The following DAB2IP variants were observed in gnomAD, a reference collection of about 807,000 sequenced individuals.
The protein encoded by DAB2IP is DAB2 interacting protein.
DAB2IP carries 28 observed loss-of-function variants against 107.2 expected under a neutral mutation model. That is an observed-to-expected ratio of 0.26 (90% confidence interval 0.19 to 0.36). The LOEUF (loss-of-function observed/expected upper bound fraction) is 0.36. Ranked by LOEUF, DAB2IP falls within the 10% of genes least tolerant of loss-of-function variation. DAB2IP has a pLI of 1.00. For missense variants in DAB2IP, 1,400 were observed against 1,644.7 expected (o/e 0.85, Z 2.57); for synonymous variants, 755 against 706.4 (o/e 1.07, Z -1.09).
chr9:121,770,960 A>G (rs1587997326), intron 11 of DAB2IP, among the ~76,000 whole-genome samples: 1 of 150,960 alleles, frequency 6.6e-6, no homozygotes, highest in African/African-American at 2.5e-5. Context: ...TAGCATTTCC[A>G]TTGGTGGAAA....
chr9:121,603,526 A>G (rs1830761562), intron 1 of DAB2IP, among the ~76,000 whole-genome samples: 1 of 152,216 alleles, frequency 6.6e-6, no homozygotes, highest in African/African-American at 2.4e-5. Context: ...GGGAGCGGTG[A>G]TAAGAGTCAG....
intron 1 of DAB2IP, among the ~76,000 whole-genome samples, chr9:121,589,719 A>G (rs1276490881): frequency 1.3e-5 from 2 of 152,092 alleles, no homozygotes; most frequent in African/African-American, 4.8e-5. Flanking sequence ...TGGAGAATCC[A>G]TGGACAGCCG....
intron 1 of DAB2IP, among the ~76,000 whole-genome samples, chr9:121,588,003 A>AT (rs1469062316): frequency 6.6e-6 from 1 of 152,184 alleles, no homozygotes; most frequent in Non-Finnish European, 1.5e-5. Flanking sequence ...TCTGCCCATG[A>AT]TGACTTTCCC....
intron 9 of DAB2IP, 33 bp downstream of exon 9, chr9:121,766,763 G>A (rs1834317451): frequency 1.2e-6 from 2 of 1,609,008 alleles, no homozygotes; most frequent in Non-Finnish European, 1.7e-6. Flanking sequence ...GGCAGAGTTG[G>A]GCAGGGCTGG....
chr9:121,784,123 C>T (rs919680821), exon 16 of DAB2IP: 1 of 160,224 alleles, frequency 6.2e-6, no homozygotes, highest in Non-Finnish European at 1.4e-5. Context: ...TTAGATGTAA[C>T]CTACAATTCA....
chr9:121,620,362 C>T (rs554898401), intron 1 of DAB2IP, among the ~76,000 whole-genome samples: 302 of 152,300 alleles, frequency 2.0e-3, no homozygotes, highest in Non-Finnish European at 3.5e-3. Flanking sequence ...CCACAAACGC[C>T]GACCATCCCC....
intron 1 of DAB2IP, among the ~76,000 whole-genome samples, chr9:121,603,685 G>A (rs192739076): frequency 9.8e-5 from 15 of 152,330 alleles, no homozygotes; most frequent in African/African-American, 3.1e-4. Flanking sequence ...CGATCAGGCT[G>A]TGTGATCTTG....
intron 3 of DAB2IP, among the ~76,000 whole-genome samples, chr9:121,716,456 T>C (rs1830608802): frequency 6.6e-6 from 1 of 152,248 alleles, no homozygotes; most frequent in Non-Finnish European, 1.5e-5. Flanking sequence ...ACTGCAGCCC[T>C]TCCTGGCGAG....
At chr9:121,730,202 T>A (rs969695429) in intron 3 of DAB2IP, among the ~76,000 whole-genome samples, 2 of 152,218 alleles carry the variant, frequency 1.3e-5, no homozygotes, top group Admixed American at 6.5e-5. Context: ...ACAGTAAGCC[T>A]GAAGAACTGT....
rs1038422698 is a variant in DAB2IP, at chr9:121,599,443, G to A, written c.40+32215G>A. Among the ~76,000 whole-genome samples the A allele has an allele frequency of 1.3e-5, 2 of 152,044 alleles. No homozygotes were observed. Among genetic ancestry groups the A allele is most frequent in the Admixed American group, 6.5e-5 (1 of 15,274 alleles). ...CCCCGCCCCTCTGCTCCCCGCCCGC[G>A]CTGGGTCCCGGGCCTGGCGGGCGGA... On this transcript the variant is annotated intron_variant, in intron 1 of 16. Transcript: ENST00000259371. The surrounding 1 kb of genome is among the most constrained non-coding windows in gnomAD (Gnocchi z 6.9).
intron 3 of DAB2IP, among the ~76,000 whole-genome samples, chr9:121,753,428 T>C (rs984306794): frequency 6.6e-6 from 1 of 152,162 alleles, no homozygotes; most frequent in Non-Finnish European, 1.5e-5. Flanking sequence ...TGGGCCACCT[T>C]CTCTTCCACC....
rs141691348 is a variant in DAB2IP at position 121,774,359 on chromosome 9, C to G, written c.3067C>G (p.Pro1023Ala). The G allele has an allele frequency of 5.5e-5, 89 of 1,612,830 alleles. No homozygotes were observed. The highest frequency in any genetic ancestry group is 7.2e-5 in the Non-Finnish European group (85 of 1,179,684). ...AGAAGACGAGGGCCTGGGCCCAGACCCCCCCCACAGGGATAGGCTAAGGAG... is the reference window on the plus strand; with the variant it reads ...AGAAGACGAGGGCCTGGGCCCAGACGCCCCCCACAGGGATAGGCTAAGGAG... Residue 1023 changes from proline to alanine, a missense_variant, in exon 13 of 16, where the codon CCC becomes GCC. Pro to Ala is a conservative substitution (Grantham distance 27). This residue lies in a region of DAB2IP where 600 missense variants were observed against 659.1 expected (regional missense o/e 0.91). Coordinates refer to ENST00000408936, the Ensembl canonical transcript of DAB2IP.
intron 2 of DAB2IP, among the ~76,000 whole-genome samples, chr9:121,687,564 CCAAGT>C (rs1828943140): frequency 1.3e-5 from 2 of 152,304 alleles, no homozygotes; most frequent in South Asian, 4.1e-4. Context: ...AGCTTGCACT[CCAAGT>C]CCCACTGGCC....
chr9:121,614,184 G>T (rs1263521155), intron 1 of DAB2IP, among the ~76,000 whole-genome samples: 1 of 152,110 alleles, frequency 6.6e-6, no homozygotes, highest in African/African-American at 2.4e-5. Context: ...GCACTGGTAA[G>T]TAAGCCATTA....
intron 3 of DAB2IP, among the ~76,000 whole-genome samples, chr9:121,726,582 G>A (rs1415939026): frequency 1.3e-5 from 2 of 152,218 alleles, no homozygotes; most frequent in African/African-American, 4.8e-5. Context: ...CCCTCAACCT[G>A]TGGATCTGAT....
At chr9:121,656,209 T>C (rs897656192) in intron 1 of DAB2IP, among the ~76,000 whole-genome samples, 2 of 152,084 alleles carry the variant, frequency 1.3e-5, no homozygotes, top group Admixed American at 1.3e-4. Context: ...GGTTTCTCCA[T>C]GTTGGTCAGG....
At chr9:121,769,875 T>C (rs1428162124) in intron 10 of DAB2IP, among the ~76,000 whole-genome samples, 1 of 152,242 alleles carries the variant, frequency 6.6e-6, no homozygotes, top group African/African-American at 2.4e-5. Flanking sequence ...GATTTGAAAC[T>C]CAACTGTTTG....
intron 1 of DAB2IP, among the ~76,000 whole-genome samples, chr9:121,665,722 A>G (rs1323642371): frequency 6.6e-6 from 1 of 152,254 alleles, no homozygotes; most frequent in Non-Finnish European, 1.5e-5. Context: ...TAAAAGGTGC[A>G]TTATGGAGAA....
chr9:121,770,509 CAGG>C, intron 10 of DAB2IP, 34 bp from the exon 11 acceptor site: 9 of 1,600,350 alleles, frequency 5.6e-6, no homozygotes, highest in Non-Finnish European at 7.7e-6. Context: ...CATGTGGTCC[CAGG>C]AGGTCACACC....
Sources: gnomAD v4.1 joint callset for allele counts (sites outside exome capture counted in the v4.1 genomes callset) on GRCh38, gnomAD v4.1.1 for gene constraint, gnomAD v4.1.1 regional missense constraint, Gnocchi (gnomAD v3.1) non-coding constraint, MANE v1.5 for transcripts, NCBI Gene and HGNC (gene_info 2026-07-23, HGNC 2026-07-21) for gene names.